The following KCNH1 variants were observed in gnomAD, a reference collection of about 807,000 sequenced individuals.
KCNH1 encodes voltage-gated delayed rectifier potassium channel KCNH1.
In KCNH1, 27 loss-of-function variants were observed where a neutral mutation model predicts 69.2. The ratio of observed to expected loss-of-function variants is 0.39; its 90% confidence interval spans 0.29 to 0.54. The LOEUF (loss-of-function observed/expected upper bound fraction) is 0.54, where lower values mean the gene tolerates loss of function less well. Among genes scored for constraint, KCNH1 ranks in the 20% least tolerant of loss-of-function variants. KCNH1 has a pLI of 0.68. For synonymous variants in KCNH1, 456 were observed against 487.7 expected, an observed-to-expected ratio of 0.93 and a Z score of 0.86; for missense variants, 798 against 1,261.6, an observed-to-expected ratio of 0.63 and a Z score of 5.57.
intron 10 of KCNH1, among the ~76,000 whole-genome samples, chr1:210,725,854 C>A (rs1450424173): frequency 1.3e-5 from 2 of 152,166 alleles, no homozygotes; most frequent in African/African-American, 4.8e-5. Flanking sequence ...TATCCTCTGT[C>A]TGTTGGGCTT....
chr1:210,842,713 G>T (rs2102455034), intron 7 of KCNH1, among the ~76,000 whole-genome samples: 1 of 152,240 alleles, frequency 6.6e-6, no homozygotes, highest in Non-Finnish European at 1.5e-5. Flanking sequence ...CCACATTCTA[G>T]ATCATTAGTG....
intron 4 of KCNH1, among the ~76,000 whole-genome samples, chr1:211,083,363 T>C (rs1291915318): frequency 6.6e-6 from 1 of 152,182 alleles, no homozygotes; most frequent in East Asian, 1.9e-4. Flanking sequence ...ATGGACAAGC[T>C]AGTCAAATGG....
intron 6 of KCNH1, among the ~76,000 whole-genome samples, chr1:210,983,900 A>G (rs1688768790): frequency 6.6e-6 from 1 of 152,144 alleles, no homozygotes; most frequent in South Asian, 2.1e-4. Context: ...CTTCCTACCT[A>G]TGAGCATGGA....
At chr1:211,048,196 G>C (rs1442529324) in intron 5 of KCNH1, among the ~76,000 whole-genome samples, 1 of 152,172 alleles carries the variant, frequency 6.6e-6, no homozygotes, top group Non-Finnish European at 1.5e-5. Context: ...ATGTTGGCAT[G>C]GATGTGGTGA....
chr1:210,972,155 C>T (rs927081873), intron 6 of KCNH1, among the ~76,000 whole-genome samples: 7 of 152,084 alleles, frequency 4.6e-5, no homozygotes, highest in Non-Finnish European at 5.9e-5. Flanking sequence ...CAAAACACCA[C>T]CCACCAAGTT....
At chr1:210,686,257 T>C (rs190080104) in intron 10 of KCNH1, among the ~76,000 whole-genome samples, 395 of 152,334 alleles carry the variant, frequency 2.6e-3, no homozygotes, top group African/African-American at 8.1e-3. Flanking sequence ...TGCTCTGAGT[T>C]GGATGCCTCT....
chr1:211,038,970 C>T (rs982236083), intron 5 of KCNH1, among the ~76,000 whole-genome samples: 8 of 152,184 alleles, frequency 5.3e-5, no homozygotes, highest in Non-Finnish European at 5.9e-5. Context: ...ATATGAATCC[C>T]CAAGACCATG....
intron 1 of KCNH1, among the ~76,000 whole-genome samples, chr1:211,119,087 G>A (rs920322940): frequency 9.9e-5 from 15 of 152,170 alleles, no homozygotes; most frequent in Non-Finnish European, 1.8e-4. Context: ...GAGGCCGGGC[G>A]CGGTGGCTCA....
At chr1:210,779,847 TCCA>T (rs1374133553) in intron 9 of KCNH1, among the ~76,000 whole-genome samples, 1 of 152,176 alleles carries the variant, frequency 6.6e-6, no homozygotes, top group Non-Finnish European at 1.5e-5. Context: ...TTACTGAACC[TCCA>T]CTTCTGCAGT....
chr1:211,013,395 T>G (rs1313946029), intron 6 of KCNH1, among the ~76,000 whole-genome samples: 2 of 152,036 alleles, frequency 1.3e-5, no homozygotes, highest in Non-Finnish European at 2.9e-5. Flanking sequence ...GACCTCAGGT[T>G]AGGGCCACAC....
At chr1:210,942,911 G>A (rs916081568) in intron 6 of KCNH1, among the ~76,000 whole-genome samples, 2 of 152,184 alleles carry the variant, frequency 1.3e-5, no homozygotes, top group Non-Finnish European at 2.9e-5. Context: ...AAACAAACAT[G>A]CCATTCAGAA....
At chr1:211,045,041 G>GATATATAGATATATATATAGAT (rs1164564038) in intron 5 of KCNH1, among the ~76,000 whole-genome samples, 1 of 81,718 alleles carries the variant, frequency 1.2e-5, no homozygotes, top group African/African-American at 4.2e-5. Context: ...AATTGTGGGG[G>GATATATAGATATATATATAGAT]ATATATATAT....
chr1:210,719,711 TAAA>T (rs763824649), intron 10 of KCNH1, among the ~76,000 whole-genome samples: 1 of 148,604 alleles, frequency 6.7e-6, no homozygotes, highest in East Asian at 2.0e-4. Flanking sequence ...TAAAGTAAAA[TAAA>T]AAAAAAATAA....
intron 7 of KCNH1, among the ~76,000 whole-genome samples, chr1:210,838,842 C>A (rs1685344402): frequency 6.6e-6 from 1 of 152,130 alleles, no homozygotes; most frequent in Non-Finnish European, 1.5e-5. Flanking sequence ...TAGAGAAATG[C>A]AAATCAAAAC....
chr1:211,101,104 C>T lies in KCNH1; in HGVS notation c.310+2392G>A, dbSNP rs114848181. On this transcript the variant is annotated intron_variant, in intron 3 of 10. Coordinates refer to ENST00000271751, the MANE Select transcript of KCNH1 (RefSeq NM_172362.3). ...ATGCCTGTTAGGAAGATTTCCTTCC[C>T]TGACCCCCTAGGTTGGAGTCATGAG... is the stretch of plus-strand genomic sequence containing the variant. 3.5e-3 allele frequency among the ~76,000 whole-genome samples: 530 copies of T among 152,282 alleles called. 7 individuals carry two copies. Among genetic ancestry groups the T allele is most frequent in the African/African-American group, 0.012 (507 of 41,546 alleles).
At chr1:210,908,057 C>T (rs1421791236) in intron 7 of KCNH1, among the ~76,000 whole-genome samples, 2 of 152,152 alleles carry the variant, frequency 1.3e-5, no homozygotes, top group Admixed American at 6.5e-5. Context: ...AAAAGCCCAC[C>T]GCAAAGGCAG....
intron 1 of KCNH1, among the ~76,000 whole-genome samples, chr1:211,113,988 A>G (rs1182748195): frequency 1.3e-5 from 2 of 150,284 alleles, no homozygotes; most frequent in Middle Eastern, 6.8e-3. Flanking sequence ...ACACACACAC[A>G]CACACACACA....
chr1:210,772,279 G>A (rs1683767072), intron 10 of KCNH1, among the ~76,000 whole-genome samples: 2 of 152,096 alleles, frequency 1.3e-5, no homozygotes, highest in East Asian at 1.9e-4. Context: ...AAACTCCCCA[G>A]ATAGATGTCA....
intron 10 of KCNH1, among the ~76,000 whole-genome samples, chr1:210,700,617 C>G (rs1370094202): frequency 6.6e-6 from 1 of 152,118 alleles, no homozygotes; most frequent in Non-Finnish European, 1.5e-5. Flanking sequence ...AAATCTTTTC[C>G]TAATCCAGCA....
Sources: allele counts gnomAD v4.1 joint callset (sites outside exome capture counted in the v4.1 genomes callset), GRCh38; gene constraint gnomAD v4.1.1; transcripts MANE v1.5; gene names NCBI Gene and HGNC (gene_info 2026-07-23, HGNC 2026-07-21).